RBM25: variants seen among roughly 807,000 people sequenced by gnomAD.
The protein encoded by RBM25 is RNA-binding protein 25.
A neutral mutation model predicts 120.7 loss-of-function variants in RBM25; 19 were observed. The observed-to-expected ratio is 0.16, with a 90% CI of 0.11 to 0.23. The LOEUF is 0.23. RBM25 is among the 10% of genes least tolerant of loss of function. The pLI is 1.00. For missense variants in RBM25, 605 were observed against 1,041.5 expected (o/e 0.58, Z 5.77); for synonymous variants, 390 against 326.7 (o/e 1.19, Z -2.09).
rs766447171 is a variant in RBM25 at position 73,103,385 on chromosome 14, C to T, written c.1061C>T (p.Thr354Ile). The T allele has an allele frequency of 1.2e-6, 2 of 1,611,884 alleles. No homozygotes were observed. Among genetic ancestry groups the T allele is most frequent in the Non-Finnish European group, 1.7e-6 (2 of 1,179,032 alleles). ...ERERDRDRDR[T>I]KERDRDRDRE... is the part of the protein sequence containing the mutation. ...GAACGGGATAGGGACCGTGACCGGA[C>T]AAAAGAGAGAGACCGAGATCGGGAT... is the stretch of plus-strand genomic sequence containing the variant. The change falls in exon 10 of 19, where the codon ACA becomes ATA. Residue 354 changes from threonine (T) to isoleucine (I), a missense_variant. By Grantham distance (89) the Thr-to-Ile change is moderately conservative. This residue lies in a region of RBM25 where 465 missense variants were observed against 741.6 expected (regional missense o/e 0.63). Coordinates refer to ENST00000261973, the MANE Select transcript of RBM25 (RefSeq NM_021239.3).
At chr14:73,118,270 G>GT (rs758249088) in intron 18 of RBM25, among the ~76,000 whole-genome samples, 7 of 152,088 alleles carry the variant, frequency 4.6e-5, no homozygotes, top group Non-Finnish European at 8.8e-5. Flanking sequence ...GAGCCCAGGA[G>GT]TTTGAGACCA....
intron 17 of RBM25, 118 bp from the exon 18 acceptor site, chr14:73,114,168 T>C: frequency 1.4e-6 from 1 of 697,768 alleles, no homozygotes; most frequent in Non-Finnish European, 2.3e-6. Flanking sequence ...ATTTATAGAA[T>C]GGTTCCTTAG....
intron 14 of RBM25, 28 bp from the exon 15 acceptor site, chr14:73,110,803 G>A: frequency 6.3e-7 from 1 of 1,581,380 alleles, no homozygotes. Context: ...TAGAGTTGTA[G>A]TTAATCAGAT....
At chr14:73,117,397 A>G (rs992304792) in intron 18 of RBM25, among the ~76,000 whole-genome samples, 1 of 151,038 alleles carries the variant, frequency 6.6e-6, no homozygotes, top group Non-Finnish European at 1.5e-5. Context: ...ACGCCTGGCT[A>G]ATTTTTGTAT....
Position 73,097,401 on chromosome 14 carries a change from G to A in RBM25, c.729+301G>A, listed in dbSNP as rs1226157023. ...TTTTTAGTAGAGACGGGGTTTCACC[G>A]TGTTAGCCAGGATGGTCTCAATCTC... On this transcript the variant is annotated intron_variant, in intron 7 of 18. Transcript: ENST00000261973. Among the ~76,000 whole-genome samples, 4 of 151,872 alleles carry A rather than the reference G, an allele frequency of 2.6e-5. 1 individual carries two copies. In the South Asian group the frequency reaches 6.2e-4, roughly 24 times the overall value.
At chr14:73,094,857 G>A (rs532380554) in intron 6 of RBM25, among the ~76,000 whole-genome samples, 1 of 150,142 alleles carries the variant, frequency 6.7e-6, no homozygotes, top group African/African-American at 2.4e-5. Flanking sequence ...GTGTGTGTGT[G>A]TGTTTTTGAT....
rs765596906 is a variant in RBM25 at position 73,097,115 on chromosome 14, A to G, written c.729+15A>G. 9 of 1,582,334 alleles carry G rather than the reference A, an allele frequency of 5.7e-6. No individual in the cohort carries two copies. The highest frequency in any genetic ancestry group is 5.5e-5 in the African/African-American group (4 of 73,242). ...AGAAGGAGGACGTATGTGTTCTGAC[A>G]ACAACATATCATTTCTACCGTTTGT... On this transcript the variant is annotated intron_variant, in intron 7 of 18. Transcript: ENST00000261973.
chr14:73,095,728 TACA>T (rs1248947628), intron 6 of RBM25, among the ~76,000 whole-genome samples: 11 of 152,212 alleles, frequency 7.2e-5, no homozygotes, highest in Non-Finnish European at 1.6e-4. Context: ...ACTGCTAAGT[TACA>T]TTGTTAAGGA....
Position 73,111,746 on chromosome 14 carries a change from C to T in RBM25, c.2236C>T (p.Pro746Ser). 6.2e-7 allele frequency: 1 copy of T among 1,613,828 alleles called. No individual in the cohort carries two copies. The change falls in exon 16 of 19, where the codon CCT (proline) becomes TCT (serine). Residue 746 changes from proline to serine, a missense_variant. Pro to Ser is a moderately conservative substitution (Grantham distance 74). Coordinates refer to ENST00000261973, the MANE Select transcript of RBM25 (RefSeq NM_021239.3). ...KHIKSLIEKI[P>S]TAKPELFAYP... ...CATTAAGAGTCTCATTGAGAAAATC[C>T]CTACAGCCAAACCTGAGCTCTTCGC...
At chr14:73,068,923 T>G (rs1473752414) in intron 1 of RBM25, among the ~76,000 whole-genome samples, 1 of 152,100 alleles carries the variant, frequency 6.6e-6, no homozygotes, top group Non-Finnish European at 1.5e-5. Context: ...TATTTTTTAT[T>G]TTTTTAGACA....
At chr14:73,084,110 C>A (rs967743333) in intron 5 of RBM25, among the ~76,000 whole-genome samples, 2 of 151,988 alleles carry the variant, frequency 1.3e-5, no homozygotes, top group Non-Finnish European at 2.9e-5. Context: ...GTTGGCCAGG[C>A]TGGTCTCAAA....
chr14:73,114,214 A>G (rs1896375565), intron 17 of RBM25, 72 bp from the exon 18 acceptor site: 1 of 1,102,106 alleles, frequency 9.1e-7, no homozygotes, highest in South Asian at 1.5e-5. Context: ...GAGGATTCAT[A>G]CCTTAAAATT....
intron 1 of RBM25, chr14:73,069,746 TAA>T (rs57669015): frequency 3.6e-3 from 160 of 44,122 alleles, no homozygotes; most frequent in African/African-American, 8.3e-3. Flanking sequence ...CCCTGTTTCT[TAA>T]AAAAAAAAAA....
At chr14:73,105,776 A>G (rs1488388066) in intron 10 of RBM25, 83 bp from the exon 11 acceptor site, 5 of 1,545,236 alleles carry the variant, frequency 3.2e-6, no homozygotes, top group Admixed American at 4.3e-5. Flanking sequence ...ATATTATTTC[A>G]TAATGTATGT....
Position 73,120,689 on chromosome 14 carries a change from A to G in RBM25, c.*884A>G, listed in dbSNP as rs1372148492. On this transcript the variant is annotated 3_prime_UTR_variant, in exon 19 of 19. Coordinates refer to ENST00000261973, the MANE Select transcript of RBM25 (RefSeq NM_021239.3). ...TGCATTTTTGCACTAATTGGTCCTT[A>G]GTTTAATTCTATTGTATCTGTTTAT... The G allele has an allele frequency of 1.3e-5, 2 of 152,226 alleles. No homozygotes were observed. Among genetic ancestry groups the G allele is most frequent in the East Asian group, 3.8e-4 (2 of 5,204 alleles). The allele number at this position is 152,226 out of a possible 1,614,324, so 9.4% of individuals were successfully genotyped here. A position where few individuals can be genotyped will look rare whatever the true frequency, so the allele number is the denominator to read the frequency against.
In RBM25 at chr14:73,103,994, A is replaced by ACTCTCT. The variant is rs1209592511; in HGVS notation, c.1154+534_1154+539dup. 1.3e-3 allele frequency among the ~76,000 whole-genome samples: 126 copies of ACTCTCT among 99,412 alleles called. 2 individuals are homozygous for ACTCTCT. Among genetic ancestry groups the ACTCTCT allele is most frequent in the Middle Eastern group, 6.2e-3 (1 of 162 alleles). 65.2% of individuals were successfully genotyped at this position (99,412 alleles called of 152,430 possible). The stretch of plus-strand genomic sequence containing the variant: ...CACACACACACACACACACACACAC[A>ACTCTCT]CTCTCTCTCTCTCTCTCTCTCTCAC... On this transcript the variant is annotated intron_variant, in intron 10 of 18. Coordinates refer to ENST00000261973, the MANE Select transcript of RBM25 (RefSeq NM_021239.3).
At chr14:73,075,683 T>C (rs1895400575) in intron 2 of RBM25, among the ~76,000 whole-genome samples, 1 of 152,230 alleles carries the variant, frequency 6.6e-6, no homozygotes, top group Admixed American at 6.5e-5. Flanking sequence ...CATACTTATT[T>C]TTTGTTGTTG....
At chr14:73,069,928 C>T (rs368882681) in intron 1 of RBM25, 1 of 149,468 alleles carries the variant, frequency 6.7e-6, no homozygotes, top group Non-Finnish European at 1.5e-5. Context: ...TAGGTATGCA[C>T]TATCATGCTT....
intron 4 of RBM25, among the ~76,000 whole-genome samples, chr14:73,080,361 C>T (rs1313568580): frequency 1.3e-5 from 2 of 151,372 alleles, no homozygotes; most frequent in South Asian, 2.1e-4. Context: ...GTAGCTGGGA[C>T]TACAGGCGCC....
Sources: gnomAD v4.1 joint callset for allele counts (sites outside exome capture counted in the v4.1 genomes callset) on GRCh38, gnomAD v4.1.1 for gene constraint, gnomAD v4.1.1 regional missense constraint, MANE v1.5 for transcripts, NCBI Gene and HGNC (gene_info 2026-07-23, HGNC 2026-07-21) for gene names.